Variants in RB1CC1 observed in about 807,000 individuals in gnomAD.
RB1CC1 encodes RB1 inducible coiled-coil 1, also known as RB1-inducible coiled-coil protein 1.
A neutral mutation model predicts 177.5 loss-of-function variants in RB1CC1; 46 were observed. The ratio of observed to expected loss-of-function variants is 0.26; its 90% CI spans 0.20 to 0.33. RB1CC1 has a LOEUF of 0.33. Ranked by LOEUF, RB1CC1 falls within the 10% of genes least tolerant of loss-of-function variation. The probability of loss-of-function intolerance (pLI) is 1.00; values close to 1 mark genes in which losing one functional copy is unlikely to be tolerated. For synonymous variants in RB1CC1, 666 were observed against 613.6 expected, an observed-to-expected ratio of 1.09 and a Z score of -1.26; for missense variants, 1,703 against 1,816.3, an observed-to-expected ratio of 0.94 and a Z score of 1.13.
At position 52,657,870 on chromosome 8, in the gene RB1CC1, T is replaced by C. The variant is rs1362620414; in HGVS notation, c.1959A>G (p.Ser653=). 2.5e-6 allele frequency: 4 copies of C among 1,613,732 alleles called. No individual in the cohort carries two copies. Among genetic ancestry groups the C allele is most frequent in the South Asian group, 2.2e-5 (2 of 91,060 alleles). The part of the protein sequence containing the change: ...VSQTSPQSAS[S]PRMESTAGIT... Reference sequence around the variant, plus strand: ...TTCCTGCTGTACTTTCCATCCTTGGTGAAGAAGCAGACTGTGGGGATGTCT... The same window carrying C: ...TTCCTGCTGTACTTTCCATCCTTGGCGAAGAAGCAGACTGTGGGGATGTCT... Residue 653 remains serine (S), a synonymous_variant, in exon 15 of 24, where the codon TCA becomes TCG. Coordinates refer to ENST00000025008, the MANE Select transcript of RB1CC1 (RefSeq NM_014781.5).
At chr8:52,659,449 C>T (rs1189248568) in intron 12 of RB1CC1, among the ~76,000 whole-genome samples, 2 of 151,960 alleles carry the variant, frequency 1.3e-5, no homozygotes, top group East Asian at 3.9e-4. Flanking sequence ...AAGTTTTGGT[C>T]AATTTTAGCT....
chr8:52,658,314 C>A (rs1318433010), intron 13 of RB1CC1, among the ~76,000 whole-genome samples, 190 bp from the exon 14 acceptor site: 1 of 152,102 alleles, frequency 6.6e-6, no homozygotes, highest in African/African-American at 2.4e-5. Flanking sequence ...CGTGGTGGAT[C>A]ACACCTATAA....
intron 1 of RB1CC1, among the ~76,000 whole-genome samples, chr8:52,690,574 A>G (rs963099492): frequency 6.6e-6 from 1 of 152,218 alleles, no homozygotes; most frequent in Admixed American, 6.6e-5. Flanking sequence ...TATTGTTGGG[A>G]TAAGAAGAGG....
Position 52,660,627 on chromosome 8 carries a change from C to T in RB1CC1, c.1658G>A (p.Arg553Lys). Residue 553 changes from arginine (R) to lysine (K), a missense_variant, in exon 12 of 24, where the codon AGG becomes AAG. Coordinates refer to ENST00000025008, the MANE Select transcript of RB1CC1 (RefSeq NM_014781.5). Reference protein sequence around the residue: ...RKSFLRNRLFRGLDSWPPSFC... With the variant: ...RKSFLRNRLFKGLDSWPPSFC... Reference sequence around the variant, plus strand: ...GGAAGGGGGCCAGGAGTCCAGTCCCCTAAACAGACGATTTCTTAAAAAAGA... The same window carrying T: ...GGAAGGGGGCCAGGAGTCCAGTCCCTTAAACAGACGATTTCTTAAAAAAGA... 6.3e-7 allele frequency: 1 copy of T among 1,599,832 alleles called. No homozygotes were observed. Among genetic ancestry groups the T allele is most frequent in the Non-Finnish European group, 8.5e-7 (1 of 1,175,496 alleles).
intron 1 of RB1CC1, among the ~76,000 whole-genome samples, chr8:52,694,103 A>C (rs1372722669): frequency 6.6e-6 from 1 of 152,152 alleles, no homozygotes; most frequent in African/African-American, 2.4e-5. Context: ...AACAGAGCTG[A>C]GTGTTTAACA....
intron 12 of RB1CC1, among the ~76,000 whole-genome samples, chr8:52,659,626 T>C (rs1439929799): frequency 6.6e-6 from 1 of 152,214 alleles, no homozygotes; most frequent in African/African-American, 2.4e-5. Context: ...TGGGAATCGC[T>C]ATGTCACCAA....
At chr8:52,692,156 AATAAAAAT>A (rs2150640700) in intron 1 of RB1CC1, among the ~76,000 whole-genome samples, 1 of 152,344 alleles carries the variant, frequency 6.6e-6, no homozygotes, top group South Asian at 2.1e-4. Flanking sequence ...TCATTCATTC[AATAAAAAT>A]ATCACCTGAG....
chr8:52,632,037 T>C (rs936664791), intron 20 of RB1CC1, among the ~76,000 whole-genome samples: 2 of 152,182 alleles, frequency 1.3e-5, no homozygotes, highest in African/African-American at 4.8e-5. Context: ...ACAATGAATT[T>C]TGTGATAGCC....
At chr8:52,712,815 C>T (rs1354964298) in intron 1 of RB1CC1, among the ~76,000 whole-genome samples, 1 of 152,158 alleles carries the variant, frequency 6.6e-6, no homozygotes, top group African/African-American at 2.4e-5. Flanking sequence ...TTCATTAGGG[C>T]CATATTCTGT....
intron 20 of RB1CC1, among the ~76,000 whole-genome samples, 179 bp from the exon 21 acceptor site, chr8:52,630,707 G>A (rs1015661620): frequency 1.3e-5 from 2 of 150,988 alleles, no homozygotes; most frequent in Admixed American, 6.6e-5. Context: ...AGTAAATTTG[G>A]TTAGATTAAA....
At chr8:52,710,371 G>A (rs146466327) in intron 1 of RB1CC1, among the ~76,000 whole-genome samples, 3 of 152,160 alleles carry the variant, frequency 2.0e-5, no homozygotes, top group Non-Finnish European at 4.4e-5. Flanking sequence ...CCCAAAGACA[G>A]CAAATGAGGT....
chr8:52,695,408 C>T (rs1591114611), intron 1 of RB1CC1, among the ~76,000 whole-genome samples: 1 of 152,230 alleles, frequency 6.6e-6, no homozygotes, highest in African/African-American at 2.4e-5. Context: ...GGGAGGTGAT[C>T]TCTAGGCCCC....
chr8:52,673,707 C>A (rs1200154679), intron 7 of RB1CC1, 138 bp downstream of exon 7: 6 of 747,978 alleles, frequency 8.0e-6, no homozygotes, highest in East Asian at 5.7e-5. Flanking sequence ...TTGATTCAAC[C>A]TATGTTAAAA....
intron 6 of RB1CC1, 108 bp from the exon 7 acceptor site, chr8:52,674,382 TC>T: frequency 1.1e-6 from 1 of 948,670 alleles, no homozygotes; most frequent in Non-Finnish European, 1.6e-6. Context: ...TCACCACCTC[TC>T]CATAACATTA....
chr8:52,695,480 A>G (rs991424993), intron 1 of RB1CC1, among the ~76,000 whole-genome samples: 1 of 152,214 alleles, frequency 6.6e-6, no homozygotes, highest in Non-Finnish European at 1.5e-5. Context: ...ACGTCAGTGT[A>G]GCAACGTGAC....
intron 1 of RB1CC1, among the ~76,000 whole-genome samples, chr8:52,697,295 T>TAAAA (rs35428453): frequency 1.6e-4 from 14 of 87,932 alleles, no homozygotes; most frequent in African/African-American, 5.2e-4. Flanking sequence ...AAATGGTTAC[T>TAAAA]AAAAAAAAAA....
At chr8:52,664,397 T>C (rs113341218) in intron 8 of RB1CC1, among the ~76,000 whole-genome samples, 25 of 152,280 alleles carry the variant, frequency 1.6e-4, no homozygotes, top group East Asian at 7.7e-4. Context: ...AATAATTAAA[T>C]ATTTAATTGT....
At chr8:52,658,579 GAAAAAA>G (rs67680393) in intron 13 of RB1CC1, among the ~76,000 whole-genome samples, 11 of 98,806 alleles carry the variant, frequency 1.1e-4, no homozygotes, top group East Asian at 3.7e-4. Context: ...TCCGTCTCAA[GAAAAAA>G]AAAAAAAAAA....
At chr8:52,682,189 TG>T (rs1270071202) in intron 5 of RB1CC1, among the ~76,000 whole-genome samples, 2 of 152,180 alleles carry the variant, frequency 1.3e-5, no homozygotes, top group Admixed American at 6.5e-5. Flanking sequence ...ATGTGAGACC[TG>T]GAGTCAAAGG....
Sources: allele counts gnomAD v4.1 joint callset (sites outside exome capture counted in the v4.1 genomes callset), GRCh38; gene constraint gnomAD v4.1.1; transcripts MANE v1.5; gene names NCBI Gene and HGNC (gene_info 2026-07-23, HGNC 2026-07-21).